The following TECTB variants were observed in gnomAD, a reference collection of about 807,000 sequenced individuals.
The protein encoded by TECTB is tectorin beta, also known as beta-tectorin.
Under a neutral mutation model 43.3 loss-of-function variants are expected in TECTB, and 45 were observed. That is an observed-to-expected ratio of 1.04 (90% confidence interval 0.82 to 1.33). The LOEUF (loss-of-function observed/expected upper bound fraction) is 1.33, where lower values mean the gene tolerates loss of function less well. TECTB is among the 40% of genes most tolerant of loss of function. The pLI, the probability that TECTB is intolerant of heterozygous loss-of-function variation, is 0.00. For missense variants in TECTB, 399 were observed against 404.7 expected (o/e 0.99, Z 0.12); for synonymous variants, 169 against 156.7 (o/e 1.08, Z -0.59).
At chr10:112,284,495 T>C in intron 2 of TECTB, 40 bp from the exon 3 acceptor site, 1 of 1,518,944 alleles carries the variant, frequency 6.6e-7, no homozygotes, top group Non-Finnish European at 8.9e-7. Context: ...TTAGCATGAT[T>C]ACCCTAACTG....
chr10:112,286,139 C>T lies in TECTB; in HGVS notation c.336C>T (p.Asn112=), dbSNP rs1415670932. The T allele has an allele frequency of 1.2e-6, 2 of 1,614,170 alleles. No individual in the cohort carries two copies. The highest frequency in any genetic ancestry group is 2.7e-5 in the African/African-American group (2 of 75,050). The change falls in exon 4 of 11, where the codon AAC becomes AAT. Residue 112 remains asparagine (N), a synonymous_variant. Coordinates refer to ENST00000646139, the MANE Select transcript of TECTB (RefSeq NM_058222.3). ...VSNDTTVIVK[N]QPVNYSFSCT... is the part of the protein sequence containing the mutation. ...ATGACACCACAGTGATTGTAAAAAA[C>T]CAGCCTGTCAACTACTCCTTCTCCT...
rs140647390 is a variant in TECTB at position 112,288,933 on chromosome 10, T to C, written c.483+2542T>C. ...TTGGCTTACGGAAATACCCTAGTGC[T>C]GTGGTTAAGAAAATGGGCCTTCTCA... On this transcript the variant is annotated intron_variant, in intron 5 of 10. Coordinates refer to ENST00000646139, the MANE Select transcript of TECTB (RefSeq NM_058222.3). Among the ~76,000 whole-genome samples, 10 of 152,330 alleles carry C rather than the reference T, an allele frequency of 6.6e-5. No homozygotes were observed. In the East Asian group the frequency reaches 1.9e-3, roughly 29 times the overall value.
chr10:112,296,709 C>G (rs184849664), intron 7 of TECTB, among the ~76,000 whole-genome samples: 1 of 152,286 alleles, frequency 6.6e-6, no homozygotes, highest in African/African-American at 2.4e-5. Flanking sequence ...CTCCCTCACT[C>G]TCACACTTGA....
At chr10:112,292,080 G>A (rs1363031840) in intron 5 of TECTB, among the ~76,000 whole-genome samples, 3 of 151,124 alleles carry the variant, frequency 2.0e-5, no homozygotes, top group Non-Finnish European at 4.4e-5. Context: ...AGTTCACAAT[G>A]AGCCGAGATC....
intron 5 of TECTB, among the ~76,000 whole-genome samples, chr10:112,292,655 G>C (rs1319924215): frequency 6.6e-6 from 1 of 152,102 alleles, no homozygotes; most frequent in East Asian, 1.9e-4. Flanking sequence ...TGTTGGCCAG[G>C]CTAGTCTCGA....
intron 9 of TECTB, among the ~76,000 whole-genome samples, chr10:112,300,309 A>AAGAG (rs1433203790): frequency 8.1e-6 from 1 of 122,832 alleles, no homozygotes; most frequent in Non-Finnish European, 1.7e-5. Context: ...GAAAGAAAGA[A>AAGAG]AGAAAGAAAG....
chr10:112,300,270 GAAA>G (rs1564710555), intron 9 of TECTB, among the ~76,000 whole-genome samples: 4 of 25,438 alleles, frequency 1.6e-4, no homozygotes, highest in Non-Finnish European at 2.2e-4. Flanking sequence ...AAGAAAGAAA[GAAA>G]GAAAGAAAAG....
chr10:112,291,411 A>G (rs959866339), intron 5 of TECTB, among the ~76,000 whole-genome samples: 3 of 152,234 alleles, frequency 2.0e-5, no homozygotes, highest in Admixed American at 2.0e-4. Flanking sequence ...AAAGGAATAT[A>G]AATCATTCTA....
chr10:112,304,339 A>C lies in TECTB; in HGVS notation c.*1027A>C, dbSNP rs564123990. ...TTTGTCTCATTCACTTACAATCATT[A>C]GAATGAAGCTAACACAAAATCAGAA... On this transcript the variant is annotated 3_prime_UTR_variant, in exon 11 of 11. Transcript: ENST00000646139. The C allele has an allele frequency of 1.5e-4, 23 of 152,400 alleles. No homozygotes were observed. The highest frequency in any genetic ancestry group is 5.3e-4 in the African/African-American group (22 of 41,606). The allele number at this position is 152,400 out of a possible 1,614,324, so 9.4% of individuals were successfully genotyped here. A position where few individuals can be genotyped will look rare whatever the true frequency, so the allele number is the denominator to read the frequency against.
chr10:112,287,462 T>A (rs912258008), intron 5 of TECTB, among the ~76,000 whole-genome samples: 4 of 152,226 alleles, frequency 2.6e-5, no homozygotes, highest in Admixed American at 2.6e-4. Context: ...TACAAACCTT[T>A]GCATAGAACA....
intron 8 of TECTB, 86 bp downstream of exon 8, chr10:112,298,317 CAG>C (rs1848566943): frequency 1.3e-6 from 2 of 1,502,674 alleles, no homozygotes; most frequent in East Asian, 4.9e-5. Context: ...AGATCATAAC[CAG>C]GCCAGGGCAG....
At chr10:112,286,678 G>A (rs1490863179) in intron 5 of TECTB, among the ~76,000 whole-genome samples, 1 of 152,146 alleles carries the variant, frequency 6.6e-6, no homozygotes, top group Non-Finnish European at 1.5e-5. Context: ...CCAGCACTTT[G>A]GGAGACCGAG....
intron 5 of TECTB, 52 bp downstream of exon 5, chr10:112,286,443 AGATGGTGG>A: frequency 2.6e-6 from 4 of 1,555,478 alleles, no homozygotes; most frequent in Non-Finnish European, 3.5e-6. Flanking sequence ...CCTTTCTAGG[AGATGGTGG>A]GATGCTTCCT....
Position 112,283,458 on chromosome 10 carries a change from G to C in TECTB, c.-126G>C, listed in dbSNP as rs1355544969. ...AGTCCGGAGAGGATGAAACAGTCGG[G>C]AACATGAACAACTCCATGTGTCATT... On this transcript the variant is annotated 5_prime_UTR_variant, in exon 1 of 11. Transcript: ENST00000646139. 2.3e-6 allele frequency: 1 copy of C among 431,480 alleles called. No homozygotes were observed. The highest frequency in any genetic ancestry group is 4.0e-5 in the East Asian group (1 of 24,852). The allele number at this position is 431,480 out of a possible 1,614,324, so 26.7% of individuals were successfully genotyped here.
intron 10 of TECTB, 87 bp downstream of exon 10, chr10:112,302,220 C>T (rs1848618050): frequency 3.2e-6 from 5 of 1,543,398 alleles, no homozygotes; most frequent in Non-Finnish European, 3.6e-6. Flanking sequence ...ACTTTGGCCC[C>T]GGCAAAACTT....
rs1452082951 is a variant in TECTB, at chr10:112,293,800, A to T, written c.546A>T (p.Ser182=). The change falls in exon 6 of 11, where the codon TCA becomes TCT. Residue 182 remains serine (S), a synonymous_variant. Coordinates refer to ENST00000646139, the MANE Select transcript of TECTB (RefSeq NM_058222.3). ...TCCTGGAGGCATCCGAAATCGGTTCAGATCTGTTTGCAGGAGTGGAAGCCA... is the reference window on the plus strand; with the variant it reads ...TCCTGGAGGCATCCGAAATCGGTTCTGATCTGTTTGCAGGAGTGGAAGCCA... ...PFVLEASEIG[S]DLFAGVEAKG... is the part of the protein sequence containing the mutation. The T allele has an allele frequency of 6.2e-7, 1 of 1,614,106 alleles. No homozygotes were observed.
rs1848636907 is a variant in TECTB, at chr10:112,304,517, G to T, written c.*1205G>T. On this transcript the variant is annotated 3_prime_UTR_variant, in exon 11 of 11. Transcript: ENST00000646139. ...ATTCTGGTAGAGAATTGGCTGGATT[G>T]TGATAGGAAAAGGCAGAGTTCTAAG... The T allele has an allele frequency of 6.6e-6, 1 of 152,196 alleles. No individual in the cohort carries two copies. The highest frequency in any genetic ancestry group is 2.1e-4 in the South Asian group (1 of 4,824). 9.4% of individuals were successfully genotyped at this position (152,196 alleles called of 1,614,324 possible).
At chr10:112,297,451 C>CA (rs1848558475) in intron 7 of TECTB, among the ~76,000 whole-genome samples, 2 of 151,556 alleles carry the variant, frequency 1.3e-5, no homozygotes, top group Non-Finnish European at 2.9e-5. Context: ...AGAAGAAAAC[C>CA]AAAAATGCCC....
At chr10:112,296,796 T>A (rs12258992) in intron 7 of TECTB, among the ~76,000 whole-genome samples, 23,098 of 152,122 alleles carry the variant, frequency 0.15, 1,880 homozygotes, top group African/African-American at 0.2. Context: ...GAGAACATCA[T>A]GAAGGTTCCC....
Sources: allele counts gnomAD v4.1 joint callset (sites outside exome capture counted in the v4.1 genomes callset), GRCh38; gene constraint gnomAD v4.1.1; transcripts MANE v1.5; gene names NCBI Gene and HGNC (gene_info 2026-07-23, HGNC 2026-07-21).